The following ABCC1 variants were observed in gnomAD, a reference collection of about 807,000 sequenced individuals.
ABCC1 encodes ATP binding cassette subfamily C member 1 (ABCC1 blood group).
In ABCC1, 83 loss-of-function variants were observed where a neutral mutation model predicts 172.9. That is an observed-to-expected ratio of 0.48 (90% CI 0.40 to 0.58). The LOEUF (loss-of-function observed/expected upper bound fraction) is 0.58. Among genes scored for constraint, ABCC1 ranks in the 20% least tolerant of loss-of-function variants. The pLI is 0.00. For missense variants in ABCC1, 1,817 were observed against 2,002.7 expected (o/e 0.91, Z 1.77); for synonymous variants, 937 against 825.2 (o/e 1.14, Z -2.32).
At chr16:15,953,467 G>A (rs910149407) in intron 1 of ABCC1, among the ~76,000 whole-genome samples, 10 of 152,176 alleles carry the variant, frequency 6.6e-5, no homozygotes, top group African/African-American at 1.2e-4. Context: ...GGCAGGTTAC[G>A]TCATCTCTCC....
In ABCC1 at chr16:16,134,341, G is replaced by C; in HGVS notation, c.3967-9G>C. 6.2e-7 allele frequency: 1 copy of C among 1,614,036 alleles called. No individual in the cohort carries two copies. The highest frequency in any genetic ancestry group is 8.5e-7 in the Non-Finnish European group (1 of 1,180,026). On this transcript the variant is annotated splice_polypyrimidine_tract_variant and intron_variant, in intron 27 of 30. Transcript: ENST00000399410. ...ATTCCCACCACACCTGGGCCCTTCT[G>C]TCCTGCAGGTCGGCATCGTGGGGCG...
At chr16:16,076,674 C>T (rs1444691646) in intron 15 of ABCC1, among the ~76,000 whole-genome samples, 2 of 152,190 alleles carry the variant, frequency 1.3e-5, no homozygotes. Context: ...ACAGGAGATT[C>T]TTGGCTTGCG....
At chr16:16,106,945 C>T in intron 21 of ABCC1, 72 bp downstream of exon 21, 1 of 1,588,536 alleles carries the variant, frequency 6.3e-7, no homozygotes, top group Non-Finnish European at 8.6e-7. Flanking sequence ...GGGCACTGTG[C>T]AAAGTGCCTT....
At chr16:16,036,339 C>T in intron 6 of ABCC1, 133 bp from the exon 7 acceptor site, 1 of 747,166 alleles carries the variant, frequency 1.3e-6, no homozygotes, top group Non-Finnish European at 2.1e-6. Context: ...TGCATGGCTG[C>T]CTTCATTTGC....
chr16:16,086,195 T>C (rs1293640123), intron 17 of ABCC1, among the ~76,000 whole-genome samples: 3 of 152,206 alleles, frequency 2.0e-5, no homozygotes, highest in Non-Finnish European at 2.9e-5. Context: ...CATCCTTTGC[T>C]GAGCACTTGC....
At chr16:16,106,183 T>A (rs1273049280) in intron 20 of ABCC1, among the ~76,000 whole-genome samples, 1 of 151,962 alleles carries the variant, frequency 6.6e-6, no homozygotes, top group Non-Finnish European at 1.5e-5. Context: ...GGCCAAATAA[T>A]GCTTTCTGAG....
At chr16:16,129,022 G>T (rs1366899123) in intron 26 of ABCC1, among the ~76,000 whole-genome samples, 1 of 152,096 alleles carries the variant, frequency 6.6e-6, no homozygotes, top group Non-Finnish European at 1.5e-5. Context: ...AGAAGTTTAT[G>T]GTGGAGAAAG....
intron 23 of ABCC1, among the ~76,000 whole-genome samples, chr16:16,121,595 G>A (rs2045160222): frequency 6.6e-6 from 1 of 152,190 alleles, no homozygotes. Context: ...TCCCAGTTCT[G>A]CCCCTTGCTA....
At chr16:15,976,520 C>T (rs1045970041) in intron 1 of ABCC1, among the ~76,000 whole-genome samples, 18 of 152,096 alleles carry the variant, frequency 1.2e-4, no homozygotes, top group Non-Finnish European at 2.4e-4. Context: ...AGGGCCTGGC[C>T]GGTACCCCAT....
At chr16:15,985,697 G>T (rs1212434232) in intron 1 of ABCC1, among the ~76,000 whole-genome samples, 1 of 151,716 alleles carries the variant, frequency 6.6e-6, no homozygotes. Context: ...CTCCTGCTTT[G>T]GGCTCCCAAA....
intron 27 of ABCC1, among the ~76,000 whole-genome samples, chr16:16,133,005 A>G (rs927171046): frequency 6.6e-6 from 1 of 151,984 alleles, no homozygotes; most frequent in African/African-American, 2.4e-5. Flanking sequence ...TGTCCCATTC[A>G]TTGCCTAGTT....
intron 1 of ABCC1, among the ~76,000 whole-genome samples, chr16:15,961,841 A>G (rs1046364284): frequency 4.8e-5 from 7 of 146,606 alleles, no homozygotes; most frequent in Admixed American, 1.4e-4. Context: ...GTATTCACCC[A>G]TTCCCCTCTT....
chr16:15,969,379 T>G lies in ABCC1; in HGVS notation c.48+19580T>G, dbSNP rs559903914. Among the ~76,000 whole-genome samples, 14 of 151,504 alleles carry G rather than the reference T, an allele frequency of 9.2e-5. No homozygotes were observed. The South Asian group carries it at 2.7e-3, about 29-fold the overall frequency. On this transcript the variant is annotated intron_variant, in intron 1 of 30. Coordinates refer to ENST00000399410, the MANE Select transcript of ABCC1 (RefSeq NM_004996.4). Reference sequence around the variant, plus strand: ...GCAGCTGGTCAGTCTTTTTTTTTTTTTTTTTTCTTTTTAAGAGAGTTTCTG... The same window carrying G: ...GCAGCTGGTCAGTCTTTTTTTTTTTGTTTTTTCTTTTTAAGAGAGTTTCTG...
At chr16:15,992,080 T>G (rs994026362) in intron 1 of ABCC1, among the ~76,000 whole-genome samples, 1 of 152,010 alleles carries the variant, frequency 6.6e-6, no homozygotes, top group Non-Finnish European at 1.5e-5. Context: ...TGGCATTAGA[T>G]TCTCATAGGA....
intron 3 of ABCC1, among the ~76,000 whole-genome samples, chr16:16,013,507 C>T (rs973400427): frequency 9.9e-5 from 15 of 151,680 alleles, no homozygotes; most frequent in African/African-American, 3.1e-4. Context: ...CTGACCTGCC[C>T]GCCTTGGCCT....
At chr16:16,118,883 T>TAAAAAAAAAAAAAA (rs397855738) in intron 23 of ABCC1, among the ~76,000 whole-genome samples, 1 of 118,446 alleles carries the variant, frequency 8.4e-6, no homozygotes, top group African/African-American at 3.2e-5. Flanking sequence ...AAGTGTATAT[T>TAAAAAAAAAAAAAA]AAAAAAAAAA....
intron 16 of ABCC1, among the ~76,000 whole-genome samples, chr16:16,079,887 C>T (rs2050740188): frequency 1.3e-5 from 2 of 150,994 alleles, no homozygotes; most frequent in Admixed American, 1.3e-4. Flanking sequence ...GATCTCGGCT[C>T]ACTGCAGCCT....
intron 1 of ABCC1, among the ~76,000 whole-genome samples, chr16:15,961,923 T>C (rs1010650711): frequency 6.6e-6 from 1 of 152,186 alleles, no homozygotes; most frequent in Non-Finnish European, 1.5e-5. Flanking sequence ...AAGGCACATG[T>C]ATGCAAATAT....
At chr16:15,949,400 C>T (rs539116543), upstream of ABCC1, among the ~76,000 whole-genome samples, 85 of 151,812 alleles carry the variant, frequency 5.6e-4, no homozygotes, top group African/African-American at 2.0e-3. Context: ...CAGGCCCGTC[C>T]GCGAGCGGGT....
Sources: allele counts gnomAD v4.1 joint callset (sites outside exome capture counted in the v4.1 genomes callset), GRCh38; gene constraint gnomAD v4.1.1; transcripts MANE v1.5; gene names NCBI Gene and HGNC (gene_info 2026-07-23, HGNC 2026-07-21).